ABCA13: variants seen among roughly 807,000 people sequenced by gnomAD.
ABCA13 encodes ATP binding cassette subfamily A member 13, also known as ATP-binding cassette sub-family A member 13.
In ABCA13, 476 loss-of-function variants were observed where a neutral mutation model predicts 478.7. That is an observed-to-expected ratio of 0.99 (90% CI 0.92 to 1.07). ABCA13 has a LOEUF of 1.07. Among genes scored for constraint, ABCA13 ranks in the 50% least tolerant of loss-of-function variants. ABCA13 has a pLI of 0.00. For synonymous variants in ABCA13, 2,252 were observed against 2,158.9 expected, an observed-to-expected ratio of 1.04 and a Z score of -1.20; for missense variants, 6,060 against 5,910.6, an observed-to-expected ratio of 1.03 and a Z score of -0.83.
intron 59 of ABCA13, among the ~76,000 whole-genome samples, chr7:48,640,640 C>CTAT (rs1339403698): frequency 6.6e-6 from 1 of 152,008 alleles, no homozygotes; most frequent in Non-Finnish European, 1.5e-5. Flanking sequence ...GACTCCTTGG[C>CTAT]TATTTTGCAA....
intron 30 of ABCA13, 33 bp downstream of exon 30, chr7:48,350,852 G>T (rs757388127): frequency 6.3e-7 from 1 of 1,591,708 alleles, no homozygotes; most frequent in Non-Finnish European, 8.6e-7. Flanking sequence ...TGTTCGCCAA[G>T]ATGCCAACTC....
chr7:48,240,679 A>G (rs764008802), intron 9 of ABCA13, among the ~76,000 whole-genome samples, 188 bp from the exon 10 acceptor site: 26 of 152,246 alleles, frequency 1.7e-4, no homozygotes, highest in Non-Finnish European at 3.1e-4. Context: ...CCATTGTTGC[A>G]ACATGAAATC....
chr7:48,391,576 G>A (rs1311334797), intron 37 of ABCA13, among the ~76,000 whole-genome samples: 1 of 152,296 alleles, frequency 6.6e-6, no homozygotes, highest in Non-Finnish European at 1.5e-5. Context: ...TACACTTAAG[G>A]TAGGCTAGAC....
At chr7:48,398,819 G>T (rs1817210266) in intron 38 of ABCA13, among the ~76,000 whole-genome samples, 1 of 152,138 alleles carries the variant, frequency 6.6e-6, no homozygotes. Flanking sequence ...ACAAAGCATT[G>T]ATCCCTGGAC....
intron 37 of ABCA13, among the ~76,000 whole-genome samples, chr7:48,391,646 C>T (rs1365812528): frequency 6.6e-6 from 1 of 152,142 alleles, no homozygotes; most frequent in Non-Finnish European, 1.5e-5. Flanking sequence ...ATATTTTCAA[C>T]TTTTTATGGG....
intron 40 of ABCA13, 81 bp downstream of exon 40, chr7:48,410,758 T>C (rs1818906947): frequency 1.3e-6 from 2 of 1,532,230 alleles, no homozygotes; most frequent in Non-Finnish European, 1.8e-6. Context: ...AGTTACATAG[T>C]AATAACGTCT....
intron 57 of ABCA13, among the ~76,000 whole-genome samples, chr7:48,590,712 T>C (rs556984886): frequency 2.0e-5 from 3 of 152,348 alleles, no homozygotes; most frequent in African/African-American, 7.2e-5. Context: ...ATTGTGGTTT[T>C]CATTTGCATT....
At chr7:48,377,843 A>G (rs1563151973) in intron 35 of ABCA13, among the ~76,000 whole-genome samples, 1 of 152,234 alleles carries the variant, frequency 6.6e-6, no homozygotes, top group Non-Finnish European at 1.5e-5. Context: ...AGCAAAAATA[A>G]CATAAGAAAG....
At chr7:48,377,172 G>A (rs1813615331) in intron 35 of ABCA13, among the ~76,000 whole-genome samples, 1 of 150,234 alleles carries the variant, frequency 6.7e-6, no homozygotes, top group Admixed American at 6.6e-5. Context: ...CCAGAGTCTG[G>A]AGGACAAGTA....
intron 3 of ABCA13, among the ~76,000 whole-genome samples, chr7:48,216,975 T>G (rs115105540): frequency 6.6e-6 from 1 of 152,238 alleles, no homozygotes; most frequent in Non-Finnish European, 1.5e-5. Flanking sequence ...TCTATGTATA[T>G]TTCATTAAAT....
At chr7:48,400,055 T>A (rs73099358) in intron 38 of ABCA13, among the ~76,000 whole-genome samples, 31,029 of 151,882 alleles carry the variant, frequency 0.2, 3,445 homozygotes, top group East Asian at 0.23. Context: ...TTTTTTTTTT[T>A]TTTCTGGAAC....
Position 48,567,670 on chromosome 7 carries a change from TGTA to T in ABCA13, c.14355-12553_14355-12551del, listed in dbSNP as rs1430592348. Among the ~76,000 whole-genome samples, 3 of 152,112 alleles carry T rather than the reference TGTA, an allele frequency of 2.0e-5. No individual in the cohort carries two copies. The East Asian group carries it at 5.8e-4, about 29-fold the overall frequency. On this transcript the variant is annotated intron_variant, in intron 55 of 61. Coordinates refer to ENST00000435803, the MANE Select transcript of ABCA13 (RefSeq NM_152701.5). ...TGAACTTTTATAGTATTAGCATACATGTAACTATCATCAGGAGAGAGACCTTTG... is the reference window on the plus strand; with the variant it reads ...TGAACTTTTATAGTATTAGCATACATACTATCATCAGGAGAGAGACCTTTG...
rs200820625 is a variant in ABCA13 at position 48,633,935 on chromosome 7, G to GATAGATAGATAC, written c.14838-9342_14838-9341insCATAGATAGATA. Among the ~76,000 whole-genome samples the GATAGATAGATAC allele has an allele frequency of 5.4e-3, 394 of 72,332 alleles. 2 individuals are homozygous for GATAGATAGATAC. The highest frequency in any genetic ancestry group is 0.021 in the African/African-American group (372 of 18,136). The allele number at this position is 72,332 out of a possible 152,430, so 47.5% of individuals were successfully genotyped here. On this transcript the variant is annotated intron_variant, in intron 59 of 61. Transcript: ENST00000435803. ...AGATACATAGATAGATAGATACATA[G>GATAGATAGATAC]ATAGATAGATAGATAGATAGATAGA... is the stretch of plus-strand genomic sequence containing the variant.
chr7:48,558,194 CCT>C (rs1248377108), intron 55 of ABCA13, among the ~76,000 whole-genome samples: 2 of 126,502 alleles, frequency 1.6e-5, no homozygotes, highest in South Asian at 3.0e-4. Context: ...TTCCTTCCTT[CCT>C]CTCTCTCTCC....
intron 48 of ABCA13, among the ~76,000 whole-genome samples, chr7:48,493,447 TA>T (rs1190855219): frequency 6.6e-6 from 1 of 152,284 alleles, no homozygotes; most frequent in East Asian, 1.9e-4. Context: ...ATTAACAGAA[TA>T]AGTGAAAACA....
At position 48,272,653 on chromosome 7, in the gene ABCA13, T is replaced by G; in HGVS notation, c.2987T>G (p.Leu996Trp). Residue 996 changes from leucine to tryptophan, a missense_variant, in exon 17 of 62, where the codon TTG becomes TGG. Physicochemically the swap from Leu to Trp is moderately conservative, Grantham distance 61. Around this residue, in one of 3 missense-constraint regions of ABCA13, gnomAD observed 4,423 missense variants for 4,309.1 expected, o/e 1.03. Transcript: ENST00000435803. ...TFLTQISKHI[L>W]DIIKQFNFQN... is the part of the protein sequence containing the mutation. ...CTTACACAAATCTCAAAACACATTT[T>G]GGATATCATAAAACAATTTAATTTC... 6.2e-7 allele frequency: 1 copy of G among 1,613,154 alleles called. No individual in the cohort carries two copies. The highest frequency in any genetic ancestry group is 2.2e-5 in the East Asian group (1 of 44,856).
At chr7:48,314,136 A>T (rs1802191262) in intron 25 of ABCA13, 96 bp from the exon 26 acceptor site, 1 of 1,297,994 alleles carries the variant, frequency 7.7e-7, no homozygotes, top group Non-Finnish European at 1.1e-6. Flanking sequence ...AATATCTTGT[A>T]CATTCAGTGG....
intron 55 of ABCA13, among the ~76,000 whole-genome samples, chr7:48,558,472 T>G (rs1049860770): frequency 6.6e-6 from 1 of 151,852 alleles, no homozygotes; most frequent in African/African-American, 2.4e-5. Flanking sequence ...AATTTTTGTA[T>G]TTTTTAGTCA....
At chr7:48,350,349 T>C (rs1808765594) in intron 29 of ABCA13, among the ~76,000 whole-genome samples, 1 of 152,216 alleles carries the variant, frequency 6.6e-6, no homozygotes, top group African/African-American at 2.4e-5. Flanking sequence ...TTGTTTATCC[T>C]GTTGTCTCCA....
Sources: gnomAD v4.1 joint callset for allele counts (sites outside exome capture counted in the v4.1 genomes callset) on GRCh38, gnomAD v4.1.1 for gene constraint, gnomAD v4.1.1 regional missense constraint, MANE v1.5 for transcripts, NCBI Gene and HGNC (gene_info 2026-07-23, HGNC 2026-07-21) for gene names.